The following AXDND1 variants were observed in gnomAD, a reference collection of about 807,000 sequenced individuals.
AXDND1 encodes axonemal dynein light chain domain containing 1, also known as axonemal dynein light chain domain-containing protein 1.
AXDND1 carries 110 observed loss-of-function variants against 137.5 expected under a neutral mutation model. The observed-to-expected ratio is 0.80, with a 90% CI of 0.69 to 0.94. The LOEUF is 0.94. AXDND1 is among the 40% of genes least tolerant of loss of function. AXDND1 has a pLI of 0.00. For missense variants in AXDND1, 1,191 were observed against 1,169.8 expected, an observed-to-expected ratio of 1.02 and a Z score of -0.26; for synonymous variants, 414 against 399.7, an observed-to-expected ratio of 1.04 and a Z score of -0.43.
At chr1:179,432,791 C>T (rs925180318) in intron 15 of AXDND1, among the ~76,000 whole-genome samples, 14 of 151,936 alleles carry the variant, frequency 9.2e-5, no homozygotes, top group Non-Finnish European at 2.1e-4. Flanking sequence ...GTAATTCCAG[C>T]TACTTAGAGG....
At chr1:179,416,525 A>G (rs891118993) in intron 12 of AXDND1, among the ~76,000 whole-genome samples, 5 of 152,170 alleles carry the variant, frequency 3.3e-5, no homozygotes, top group African/African-American at 1.2e-4. Flanking sequence ...ACTAATTTAC[A>G]TTCCCACCAA....
At chr1:179,414,527 G>A (rs961188815) in intron 12 of AXDND1, among the ~76,000 whole-genome samples, 9 of 152,146 alleles carry the variant, frequency 5.9e-5, no homozygotes, top group South Asian at 2.1e-4. Flanking sequence ...TGGGGTTCAC[G>A]CCATTCTCCT....
Position 179,385,003 on chromosome 1 carries a change from A to G in AXDND1, c.742-235A>G, listed in dbSNP as rs961239345. 2.0e-5 allele frequency among the ~76,000 whole-genome samples: 3 copies of G among 152,202 alleles called. No homozygotes were observed. The East Asian group carries it at 5.8e-4, about 29-fold the overall frequency. ...GGTCTCAAGCTCCTTGCCTCAAGCAATCTGCCCACCTTGGCCTCCCAAAGT... is the reference window on the plus strand; with the variant it reads ...GGTCTCAAGCTCCTTGCCTCAAGCAGTCTGCCCACCTTGGCCTCCCAAAGT... On this transcript the variant is annotated intron_variant, in intron 8 of 25. Transcript: ENST00000367618.
In AXDND1 at chr1:179,542,608, T is replaced by G. The variant is rs181698537; in HGVS notation, c.3031+7646T>G. Among the ~76,000 whole-genome samples the G allele has an allele frequency of 3.9e-5, 6 of 152,362 alleles. No homozygotes were observed. In the East Asian group the frequency reaches 1.2e-3, roughly 29 times the overall value. On this transcript the variant is annotated intron_variant, in intron 25 of 25. Coordinates refer to ENST00000367618, the MANE Select transcript of AXDND1 (RefSeq NM_144696.6). ...CCTGATAATTTGAAAACTGGACCTT[T>G]TCTAGATTTAGGAAGATAAATAAGC...
Position 179,486,139 on chromosome 1 carries a change from A to AAAAAAAAAAAAACAAAAAACT in AXDND1, c.2091+2920_2091+2921insAAAAAAAAAACAAAAAACTAA, listed in dbSNP as rs149119239. ...TGTCTCAAAAAAAAAAAAAAAAAAA[A>AAAAAAAAAAAAACAAAAAACT]AACCTGATAGAAATGAAAAACACAC... On this transcript the variant is annotated intron_variant, in intron 18 of 25. Transcript: ENST00000367618. Among the ~76,000 whole-genome samples the AAAAAAAAAAAAACAAAAAACT allele has an allele frequency of 1.7e-4, 15 of 87,768 alleles. 2 individuals carry two copies. Among genetic ancestry groups the AAAAAAAAAAAAACAAAAAACT allele is most frequent in the South Asian group, 5.2e-4 (1 of 1,936 alleles). 57.6% of individuals were successfully genotyped at this position (87,768 alleles called of 152,430 possible).
intron 4 of AXDND1, among the ~76,000 whole-genome samples, chr1:179,378,031 A>C (rs939384699): frequency 6.6e-6 from 1 of 152,066 alleles, no homozygotes; most frequent in Non-Finnish European, 1.5e-5. Context: ...TTAGCCAGAC[A>C]TGATGGCACG....
At chr1:179,457,263 T>G in intron 16 of AXDND1, 2 of 690,514 alleles carry the variant, frequency 2.9e-6, no homozygotes, top group Non-Finnish European at 5.2e-6. Flanking sequence ...GTTGCTTGTT[T>G]CTAAGCTCAA....
At chr1:179,518,385 CTTTTT>C (rs71114530) in intron 21 of AXDND1, among the ~76,000 whole-genome samples, 2 of 145,110 alleles carry the variant, frequency 1.4e-5, no homozygotes, top group Non-Finnish European at 3.0e-5. Context: ...TTTCCTTTTT[CTTTTT>C]TTTTTTTTTG....
intron 12 of AXDND1, among the ~76,000 whole-genome samples, chr1:179,413,198 G>A (rs1426616714): frequency 1.3e-5 from 2 of 150,390 alleles, no homozygotes; most frequent in African/African-American, 4.9e-5. Flanking sequence ...GACAATCAAG[G>A]TAATAAACAT....
At chr1:179,384,639 A>T (rs1413707918) in intron 8 of AXDND1, among the ~76,000 whole-genome samples, 1 of 152,152 alleles carries the variant, frequency 6.6e-6, no homozygotes, top group Admixed American at 6.6e-5. Context: ...GTTACTCTGT[A>T]GAATGTTCTT....
At chr1:179,424,338 G>A (rs1656241734) in intron 12 of AXDND1, among the ~76,000 whole-genome samples, 1 of 151,700 alleles carries the variant, frequency 6.6e-6, no homozygotes, top group African/African-American at 2.4e-5. Context: ...TACCTTGGGT[G>A]GTCTTGTTTG....
intron 12 of AXDND1, among the ~76,000 whole-genome samples, chr1:179,424,426 CTTT>C (rs139043229): frequency 5.6e-5 from 6 of 107,768 alleles, no homozygotes; most frequent in Admixed American, 1.0e-4. Flanking sequence ...TTTCTATTAT[CTTT>C]TTTTTTTTTT....
chr1:179,447,369 C>T (rs1353627753), intron 16 of AXDND1, among the ~76,000 whole-genome samples: 2 of 152,184 alleles, frequency 1.3e-5, no homozygotes, highest in African/African-American at 4.8e-5. Context: ...CAGTTCCATC[C>T]ATGTTCATAT....
chr1:179,456,057 C>T, intron 16 of AXDND1: 2 of 452,190 alleles, frequency 4.4e-6, no homozygotes, highest in South Asian at 3.3e-5. Context: ...AAATAACAGT[C>T]CTCGAGTTTT....
rs1419671517 is a variant in AXDND1, at chr1:179,519,850, G to A, written c.2497-5484G>A. 2.6e-5 allele frequency among the ~76,000 whole-genome samples: 4 copies of A among 151,976 alleles called. No individual in the cohort carries two copies. The East Asian group carries it at 7.7e-4, about 29-fold the overall frequency. On this transcript the variant is annotated intron_variant, in intron 21 of 25. Coordinates refer to ENST00000367618, the MANE Select transcript of AXDND1 (RefSeq NM_144696.6). ...GCTTTCGGCTTTGTTCTTTTTCTTA[G>A]GATTGCCTCACTGTTCAGGCTTCTT...
At chr1:179,367,492 C>T (rs1667564727) in intron 2 of AXDND1, among the ~76,000 whole-genome samples, 2 of 144,256 alleles carry the variant, frequency 1.4e-5, no homozygotes, top group Admixed American at 6.9e-5. Flanking sequence ...TCCAGCCTGG[C>T]GACAGAACGA....
At chr1:179,387,938 T>G (rs1649495577) in intron 9 of AXDND1, among the ~76,000 whole-genome samples, 1 of 152,204 alleles carries the variant, frequency 6.6e-6, no homozygotes. Flanking sequence ...GGAGATCTTC[T>G]GCATATCTTG....
At chr1:179,500,951 T>C (rs190340155) in intron 20 of AXDND1, among the ~76,000 whole-genome samples, 1 of 151,714 alleles carries the variant, frequency 6.6e-6, no homozygotes, top group Non-Finnish European at 1.5e-5. Context: ...GGATTACAGG[T>C]GTGAGCCACC....
intron 23 of AXDND1, among the ~76,000 whole-genome samples, chr1:179,530,927 A>G (rs1292370893): frequency 2.6e-5 from 4 of 152,162 alleles, no homozygotes; most frequent in Admixed American, 6.5e-5. Flanking sequence ...ACAGCATTGC[A>G]GTAAAGAAAG....
Sources: allele counts gnomAD v4.1 joint callset (sites outside exome capture counted in the v4.1 genomes callset), GRCh38; gene constraint gnomAD v4.1.1; transcripts MANE v1.5; gene names NCBI Gene and HGNC (gene_info 2026-07-23, HGNC 2026-07-21).